The following EYS variants were observed in gnomAD, a reference collection of about 807,000 sequenced individuals.
The protein encoded by EYS is EGF-like photoreceptor maintenance factor, also known as protein eyes shut homolog.
In EYS, 250 loss-of-function variants were observed where a neutral mutation model predicts 282.1. The ratio of observed to expected loss-of-function variants is 0.89; its 90% confidence interval spans 0.80 to 0.98. The LOEUF is 0.98. EYS is among the 50% of genes least tolerant of loss of function. The pLI is 0.00. For synonymous variants in EYS, 1,355 were observed against 1,282.9 expected, an observed-to-expected ratio of 1.06 and a Z score of -1.20; for missense variants, 4,016 against 3,709.0, an observed-to-expected ratio of 1.08 and a Z score of -2.15.
intron 28 of EYS, among the ~76,000 whole-genome samples, chr6:64,393,111 G>A (rs528321040): frequency 5.3e-5 from 8 of 152,138 alleles, no homozygotes; most frequent in Non-Finnish European, 8.8e-5. Flanking sequence ...TAGACCAATA[G>A]CAGGATCTGA....
At position 64,498,818 on chromosome 6, in the gene EYS, A is replaced by G. The variant is rs540225878; in HGVS notation, c.5645-59466T>C. 5.3e-5 allele frequency among the ~76,000 whole-genome samples: 8 copies of G among 152,310 alleles called. No homozygotes were observed. The South Asian group carries it at 1.2e-3, about 24-fold the overall frequency. On this transcript the variant is annotated intron_variant, in intron 26 of 42. Coordinates refer to ENST00000503581, the MANE Select transcript of EYS (RefSeq NM_001142800.2). ...AACTCATCCTTTTTTATGGTTGCAT[A>G]GTATTCCATGTGTATATGTGCCACA...
chr6:64,806,969 C>A (rs1190329108), intron 22 of EYS, among the ~76,000 whole-genome samples: 1 of 152,122 alleles, frequency 6.6e-6, no homozygotes, highest in African/African-American at 2.4e-5. Flanking sequence ...CTGTAGTCCT[C>A]TGCTGTGTGA....
chr6:64,593,176 A>T lies in EYS; in HGVS notation c.3818T>A (p.Phe1273Tyr). 1 of 1,549,536 alleles carries T rather than the reference A, an allele frequency of 6.5e-7. No individual in the cohort carries two copies. The highest frequency in any genetic ancestry group is 8.7e-7 in the Non-Finnish European group (1 of 1,145,986). Residue 1273 changes from phenylalanine (F) to tyrosine (Y), a missense_variant, in exon 25 of 43, where the codon TTT becomes TAT. Phe to Tyr is a conservative substitution (Grantham distance 22). Coordinates refer to ENST00000503581, the MANE Select transcript of EYS (RefSeq NM_001142800.2). Reference protein sequence around the residue: ...IPPSETLVSSFPSIKATRIPA... With the variant: ...IPPSETLVSSYPSIKATRIPA... Reference sequence around the variant, plus strand: ...TATTCTAGTAGCCTTTATAGATGGAAAGCTGCTGACCAAAGTCTCAGAAGG... The same window carrying T: ...TATTCTAGTAGCCTTTATAGATGGATAGCTGCTGACCAAAGTCTCAGAAGG...
chr6:65,483,461 T>C (rs1765675446), intron 5 of EYS, among the ~76,000 whole-genome samples: 1 of 152,162 alleles, frequency 6.6e-6, no homozygotes, highest in Non-Finnish European at 1.5e-5. Flanking sequence ...TGGCTAATTT[T>C]ATAATAATCA....
At chr6:65,321,438 T>C (rs1334889776) in intron 11 of EYS, among the ~76,000 whole-genome samples, 1 of 151,938 alleles carries the variant, frequency 6.6e-6, no homozygotes, top group Non-Finnish European at 1.5e-5. Context: ...CTAGAATAAA[T>C]ATTGATTCCA....
chr6:64,956,459 T>C (rs942058196), intron 14 of EYS, among the ~76,000 whole-genome samples: 1 of 152,300 alleles, frequency 6.6e-6, no homozygotes, highest in African/African-American at 2.4e-5. Flanking sequence ...ATTAGATAAT[T>C]AAATCTAAGA....
intron 7 of EYS, among the ~76,000 whole-genome samples, chr6:65,393,096 C>G (rs1203874958): frequency 1.3e-5 from 2 of 151,540 alleles, no homozygotes; most frequent in Non-Finnish European, 2.9e-5. Context: ...ACCACATGTT[C>G]TCACTCATAG....
At chr6:63,954,297 A>G (rs1765719922) in intron 35 of EYS, among the ~76,000 whole-genome samples, 1 of 152,162 alleles carries the variant, frequency 6.6e-6, no homozygotes, top group Non-Finnish European at 1.5e-5. Flanking sequence ...ATGCTATAGT[A>G]TCTTCCACAT....
intron 26 of EYS, among the ~76,000 whole-genome samples, chr6:64,487,905 G>A (rs1776625390): frequency 6.6e-6 from 1 of 150,894 alleles, no homozygotes; most frequent in African/African-American, 2.4e-5. Flanking sequence ...TCATACCTTT[G>A]TTTTTCTAGA....
intron 35 of EYS, among the ~76,000 whole-genome samples, chr6:63,878,890 C>A (rs762246139): frequency 3.3e-5 from 5 of 152,132 alleles, no homozygotes; most frequent in Non-Finnish European, 7.4e-5. Flanking sequence ...CCTCCCTTGG[C>A]TAGGAAAGGG....
intron 40 of EYS, among the ~76,000 whole-genome samples, chr6:63,771,488 T>G (rs971785416): frequency 1.3e-5 from 2 of 152,164 alleles, no homozygotes; most frequent in Admixed American, 6.6e-5. Context: ...GCTTTGTTAA[T>G]TTGATAGAAA....
intron 22 of EYS, among the ~76,000 whole-genome samples, chr6:64,717,411 C>T (rs1159357575): frequency 6.6e-6 from 1 of 152,200 alleles, no homozygotes; most frequent in Non-Finnish European, 1.5e-5. Flanking sequence ...TCATAAGGAG[C>T]TTGCAGCTTA....
At chr6:64,761,697 G>A (rs920946247) in intron 22 of EYS, among the ~76,000 whole-genome samples, 4 of 151,882 alleles carry the variant, frequency 2.6e-5, no homozygotes, top group African/African-American at 4.8e-5. Flanking sequence ...CCTAGTGATC[G>A]GCCCACCTCG....
chr6:64,765,766 C>T (rs997686437), intron 22 of EYS, among the ~76,000 whole-genome samples: 5 of 152,064 alleles, frequency 3.3e-5, no homozygotes. Context: ...TGAGATCTCA[C>T]TATCATGAGA....
At chr6:64,338,599 T>C (rs1770956515) in intron 29 of EYS, among the ~76,000 whole-genome samples, 1 of 151,814 alleles carries the variant, frequency 6.6e-6, no homozygotes, top group African/African-American at 2.4e-5. Context: ...CCCATCAAAA[T>C]ACCACCATCA....
At chr6:64,726,117 A>C (rs1771746497) in intron 22 of EYS, among the ~76,000 whole-genome samples, 1 of 147,398 alleles carries the variant, frequency 6.8e-6, no homozygotes, top group Non-Finnish European at 1.5e-5. Context: ...GTTGTCTTTC[A>C]TCTTCTTCTC....
chr6:65,222,940 A>G (rs893129976), intron 12 of EYS, among the ~76,000 whole-genome samples: 9 of 152,154 alleles, frequency 5.9e-5, no homozygotes, highest in African/African-American at 2.2e-4. Flanking sequence ...AAGAAGTAAG[A>G]GTCAGGGTAC....
At chr6:65,439,983 C>A (rs1768247273) in intron 5 of EYS, among the ~76,000 whole-genome samples, 1 of 151,924 alleles carries the variant, frequency 6.6e-6, no homozygotes, top group South Asian at 2.1e-4. Context: ...GCTTGTCAAG[C>A]AGACTAGGAG....
intron 1 of EYS, among the ~76,000 whole-genome samples, chr6:65,678,181 C>T (rs529256217): frequency 6.6e-6 from 1 of 151,862 alleles, no homozygotes; most frequent in South Asian, 2.1e-4. Context: ...AACTAGATCT[C>T]GTGTGAACTC....
Sources: gnomAD v4.1 joint callset for allele counts (sites outside exome capture counted in the v4.1 genomes callset) on GRCh38, gnomAD v4.1.1 for gene constraint, MANE v1.5 for transcripts, NCBI Gene and HGNC (gene_info 2026-07-23, HGNC 2026-07-21) for gene names.